PDCD6IP: variants seen among roughly 807,000 people sequenced by gnomAD.
PDCD6IP encodes programmed cell death 6 interacting protein, also known as programmed cell death 6-interacting protein.
Under a neutral mutation model 103.7 loss-of-function variants are expected in PDCD6IP, and 43 were observed. The ratio of observed to expected loss-of-function variants is 0.41; its 90% CI spans 0.32 to 0.53. PDCD6IP has a LOEUF of 0.53. PDCD6IP is among the 20% of genes least tolerant of loss of function. The pLI is 0.16. For synonymous variants in PDCD6IP, 354 were observed against 378.7 expected (o/e 0.93, Z 0.76); for missense variants, 871 against 1,036.7 (o/e 0.84, Z 2.20).
chr3:33,852,974 A>G (rs1354630463), intron 13 of PDCD6IP, among the ~76,000 whole-genome samples: 1 of 141,820 alleles, frequency 7.1e-6, no homozygotes, highest in Non-Finnish European at 1.5e-5. Context: ...CCCAGGCTGG[A>G]GTGCAGTGGC....
intron 8 of PDCD6IP, 109 bp from the exon 9 acceptor site, chr3:33,838,095 A>G: frequency 1.0e-6 from 1 of 953,602 alleles, no homozygotes; most frequent in Non-Finnish European, 1.6e-6. Context: ...TCAATAGACA[A>G]TAAATATTTA....
chr3:33,842,847 A>G (rs1485493276), intron 10 of PDCD6IP, among the ~76,000 whole-genome samples: 3 of 152,220 alleles, frequency 2.0e-5, no homozygotes, highest in African/African-American at 7.2e-5. Context: ...GATCCAGTAC[A>G]GAATACTGAA....
intron 1 of PDCD6IP, among the ~76,000 whole-genome samples, chr3:33,805,897 A>G (rs1158158737): frequency 6.6e-6 from 1 of 151,722 alleles, no homozygotes; most frequent in East Asian, 1.9e-4. Context: ...GGCGCCCACC[A>G]CTACGCCCGG....
At chr3:33,849,714 C>T (rs955143363) in intron 12 of PDCD6IP, among the ~76,000 whole-genome samples, 1 of 152,138 alleles carries the variant, frequency 6.6e-6, no homozygotes, top group African/African-American at 2.4e-5. Flanking sequence ...CAGTGGTTTT[C>T]TTATTATCTT....
At position 33,799,623 on chromosome 3, in the gene PDCD6IP, T is replaced by C. The variant is rs542144573; in HGVS notation, c.209+686T>C. 3 of 152,374 alleles carry C rather than the reference T, an allele frequency of 2.0e-5. No individual in the cohort carries two copies. In the South Asian group the frequency reaches 6.2e-4, roughly 32 times the overall value. The allele number at this position is 152,374 out of a possible 1,614,324, so 9.4% of individuals were successfully genotyped here. A position where few individuals can be genotyped will look rare whatever the true frequency, so the allele number is the denominator to read the frequency against. On this transcript the variant is annotated intron_variant, in intron 1 of 17. Coordinates refer to ENST00000307296, the MANE Select transcript of PDCD6IP (RefSeq NM_013374.6). ...TTATTTTAGCAAACGCTTATTTAGC[T>C]CATGCTGATTTAATGAGGGTTCCTT...
intron 17 of PDCD6IP, among the ~76,000 whole-genome samples, 183 bp downstream of exon 17, chr3:33,865,613 C>T (rs1698047398): frequency 6.6e-6 from 1 of 152,140 alleles, no homozygotes; most frequent in African/African-American, 2.4e-5. Flanking sequence ...ATAGCTATTT[C>T]CTAGGCTTTT....
intron 7 of PDCD6IP, among the ~76,000 whole-genome samples, chr3:33,834,571 A>C (rs978879714): frequency 6.6e-6 from 1 of 152,222 alleles, no homozygotes; most frequent in Admixed American, 6.5e-5. Context: ...TATCATGTTA[A>C]GGAACTATAA....
At position 33,798,938 on chromosome 3, in the gene PDCD6IP, G is replaced by T; in HGVS notation, c.209+1G>T. The T allele has an allele frequency of 1.3e-6, 2 of 1,526,718 alleles. No individual in the cohort carries two copies. The highest frequency in any genetic ancestry group is 1.8e-6 in the Non-Finnish European group (2 of 1,129,524). 94.6% of individuals were successfully genotyped at this position (1,526,718 alleles called of 1,614,324 possible). The stretch of plus-strand genomic sequence containing the variant: ...AGGGCGCGCTCGAGACGCTCCTGAG[G>T]TGGGCGCGGGGCTGGGAGTGGGTAG... On this transcript the variant is annotated splice_donor_variant, in intron 1 of 17. Transcript: ENST00000307296. LOFTEE classifies it high-confidence loss of function.
At position 33,868,780 on chromosome 3, in the gene PDCD6IP, C is replaced by G. The variant is rs887504966; in HGVS notation, c.*2255C>G. ...GGAAATCATCCCCAGACCATTTATG[C>G]TGAGCTTTGGAATACTATTTTAAAC... is the stretch of plus-strand genomic sequence containing the variant. On this transcript the variant is annotated 3_prime_UTR_variant, in exon 18 of 18. Transcript: ENST00000307296. The G allele has an allele frequency of 6.6e-6, 1 of 152,170 alleles. No individual in the cohort carries two copies. The highest frequency in any genetic ancestry group is 6.5e-5 in the Admixed American group (1 of 15,280). 9.4% of individuals were successfully genotyped at this position (152,170 alleles called of 1,614,324 possible).
intron 12 of PDCD6IP, among the ~76,000 whole-genome samples, chr3:33,848,525 C>G (rs1051251233): frequency 1.3e-5 from 2 of 152,020 alleles, no homozygotes; most frequent in African/African-American, 4.8e-5. Context: ...CTGTCTCAGC[C>G]TCCCGAGTAG....
intron 6 of PDCD6IP, chr3:33,827,336 C>T (rs1697149651): frequency 2.0e-6 from 1 of 505,664 alleles, no homozygotes; most frequent in African/African-American, 2.1e-5. Flanking sequence ...GTATCTGTTA[C>T]ATGATTTTTT....
At chr3:33,820,768 G>T (rs1696974361) in intron 3 of PDCD6IP, among the ~76,000 whole-genome samples, 1 of 152,156 alleles carries the variant, frequency 6.6e-6, no homozygotes, top group Non-Finnish European at 1.5e-5. Context: ...TCCATTGTAT[G>T]TATATACCAC....
At chr3:33,808,973 A>C (rs1252387859) in intron 1 of PDCD6IP, among the ~76,000 whole-genome samples, 3 of 152,096 alleles carry the variant, frequency 2.0e-5, no homozygotes, top group Non-Finnish European at 1.5e-5. Flanking sequence ...TTTTCCCTAG[A>C]TTGGAAATTC....
At chr3:33,800,352 C>T (rs1696448227) in intron 1 of PDCD6IP, among the ~76,000 whole-genome samples, 2 of 152,068 alleles carry the variant, frequency 1.3e-5, no homozygotes, top group Non-Finnish European at 2.9e-5. Context: ...GGTGGAAGTC[C>T]ATGGGAGGCT....
intron 13 of PDCD6IP, 74 bp downstream of exon 13, chr3:33,852,810 T>G: frequency 6.9e-7 from 1 of 1,446,330 alleles, no homozygotes; most frequent in Non-Finnish European, 9.1e-7. Context: ...AAACCTATAT[T>G]CAGTTAGGAA....
At chr3:33,805,558 A>C (rs532412022) in intron 1 of PDCD6IP, among the ~76,000 whole-genome samples, 29 of 151,020 alleles carry the variant, frequency 1.9e-4, no homozygotes, top group Admixed American at 4.6e-4. Flanking sequence ...CAACCTCCCA[A>C]GTGGGTGCAT....
Position 33,844,055 on chromosome 3 carries a change from A to G in PDCD6IP, c.1360-57A>G, listed in dbSNP as rs1014706867. On this transcript the variant is annotated intron_variant, in intron 10 of 17. Coordinates refer to ENST00000307296, the MANE Select transcript of PDCD6IP (RefSeq NM_013374.6). ...TTGTGTATGAACATTTATTAAATGT[A>G]TTAAAGTTTTTATACCAGAAATGAC... 46 of 1,033,066 alleles carry G rather than the reference A, an allele frequency of 4.5e-5. No individual in the cohort carries two copies. The Admixed American group carries it at 5.2e-4, about 12-fold the overall frequency. The allele number at this position is 1,033,066 out of a possible 1,614,324, so 64.0% of individuals were successfully genotyped here. A position where few individuals can be genotyped will look rare whatever the true frequency, so the allele number is the denominator to read the frequency against.
chr3:33,805,038 C>T (rs780720939), intron 1 of PDCD6IP, among the ~76,000 whole-genome samples: 3 of 152,226 alleles, frequency 2.0e-5, no homozygotes, highest in South Asian at 2.1e-4. Context: ...TGTTCTTGAT[C>T]CCCACACCTT....
intron 7 of PDCD6IP, among the ~76,000 whole-genome samples, chr3:33,833,227 TTAG>T (rs755684241): frequency 2.6e-5 from 4 of 152,104 alleles, no homozygotes; most frequent in Non-Finnish European, 4.4e-5. Context: ...TTAATATTAA[TTAG>T]TAGTTAATAG....
Sources: allele counts gnomAD v4.1 joint callset (sites outside exome capture counted in the v4.1 genomes callset), GRCh38; gene constraint gnomAD v4.1.1; transcripts MANE v1.5; gene names NCBI Gene and HGNC (gene_info 2026-07-23, HGNC 2026-07-21).